The following SLTM variants were observed in gnomAD, a reference collection of about 807,000 sequenced individuals.
SLTM encodes SAFB like transcription modulator.
A neutral mutation model predicts 134.6 loss-of-function variants in SLTM; 43 were observed. That is an observed-to-expected ratio of 0.32 (90% CI 0.25 to 0.41). The LOEUF is 0.41. SLTM is among the 10% of genes least tolerant of loss of function. The probability of loss-of-function intolerance (pLI) is 1.00; values close to 1 mark genes in which losing one functional copy is unlikely to be tolerated. For missense variants in SLTM, 1,055 were observed against 1,288.8 expected (o/e 0.82, Z 2.78); for synonymous variants, 424 against 432.3 (o/e 0.98, Z 0.24).
chr15:58,924,128 T>C (rs2037298959), intron 2 of SLTM, among the ~76,000 whole-genome samples: 1 of 152,120 alleles, frequency 6.6e-6, no homozygotes, highest in African/African-American at 2.4e-5. Context: ...AGCCAAACTT[T>C]TACGCTTTGA....
At chr15:58,902,291 G>A (rs770490383) in intron 5 of SLTM, among the ~76,000 whole-genome samples, 16 of 151,794 alleles carry the variant, frequency 1.1e-4, no homozygotes, top group Admixed American at 7.2e-4. Flanking sequence ...AGGCGGTCTC[G>A]AACTCCTGGC....
At chr15:58,890,005 T>C (rs1263482988) in intron 15 of SLTM, 2 of 444,526 alleles carry the variant, frequency 4.5e-6, no homozygotes, top group Admixed American at 4.0e-5. Flanking sequence ...AGAGCCTGGA[T>C]TACAACTACT....
intron 13 of SLTM, 89 bp from the exon 14 acceptor site, chr15:58,893,149 T>C: frequency 7.1e-7 from 1 of 1,416,138 alleles, no homozygotes; most frequent in Non-Finnish European, 9.6e-7. Flanking sequence ...AAAGTTCAAA[T>C]GACTAGTAAC....
intron 5 of SLTM, among the ~76,000 whole-genome samples, chr15:58,904,895 G>C (rs1391473551): frequency 6.6e-6 from 1 of 152,136 alleles, no homozygotes; most frequent in Non-Finnish European, 1.5e-5. Context: ...ATTTTTAGTA[G>C]AGATGGGGTT....
intron 19 of SLTM, among the ~76,000 whole-genome samples, chr15:58,886,218 A>AGTGTGTGTGTGTGTGTGTGTGTGT (rs60261686): frequency 8.0e-6 from 1 of 124,458 alleles, no homozygotes; most frequent in Non-Finnish European, 1.7e-5. Flanking sequence ...GAAAAAGAAG[A>AGTGTGTGTGTGTGTGTGTGTGTGT]GTGTGTGTGT....
chr15:58,897,365 C>T, intron 8 of SLTM, 132 bp from the exon 9 acceptor site: 1 of 562,232 alleles, frequency 1.8e-6, no homozygotes, highest in Non-Finnish European at 3.2e-6. Context: ...TGTGAGTTTA[C>T]TATTATTGAA....
Position 58,899,051 on chromosome 15 carries a change from A to G in SLTM, c.1059-199T>C, listed in dbSNP as rs1202255487. On this transcript the variant is annotated intron_variant, in intron 7 of 20. Coordinates refer to ENST00000380516, the MANE Select transcript of SLTM (RefSeq NM_024755.4). This position sits in a 1 kb window ranked among gnomAD's most constrained non-coding sequence, Gnocchi z 5.0. The stretch of plus-strand genomic sequence containing the variant: ...TTTTCCCCAAGATGCCTGAAGATCT[A>G]GATTTTCTGACAATTCTATTCAGTG... The G allele has an allele frequency of 2.0e-6, 1 of 510,882 alleles. No individual in the cohort carries two copies. Among genetic ancestry groups the G allele is most frequent in the Non-Finnish European group, 3.4e-6 (1 of 290,914 alleles). The allele number at this position is 510,882 out of a possible 1,614,324, so 31.6% of individuals were successfully genotyped here.
intron 2 of SLTM, among the ~76,000 whole-genome samples, chr15:58,929,475 G>C (rs932015782): frequency 2.0e-5 from 3 of 152,002 alleles, no homozygotes; most frequent in Admixed American, 6.6e-5. Flanking sequence ...AAGAAAAACG[G>C]ACATCACATT....
chr15:58,882,192 A>AAAAAAAAAAAAAAAC, intron 20 of SLTM, among the ~76,000 whole-genome samples: 3 of 150,024 alleles, frequency 2.0e-5, no homozygotes, highest in Non-Finnish European at 3.0e-5. Flanking sequence ...AAAAAAAAAA[A>AAAAAAAAAAAAAAAC]ACCACACTTA....
chr15:58,887,262 C>A lies in SLTM; in HGVS notation c.2654G>T (p.Ser885Ile). The A allele has an allele frequency of 1.2e-6, 2 of 1,614,208 alleles. No homozygotes were observed. The highest frequency in any genetic ancestry group is 1.7e-6 in the Non-Finnish European group (2 of 1,180,022). ...TTTGTCAGTGGACATGCTTCCTTCA[C>A]TTTTCCAGCTGGTGGGTCTGGAAGG... is the stretch of plus-strand genomic sequence containing the variant. ...PNPSRPTSWK[S>I]EGSMSTDKRE... The change falls in exon 18 of 21, where the codon AGT becomes ATT. Residue 885 changes from serine to isoleucine, a missense_variant. Ser to Ile is a moderately radical substitution (Grantham distance 142, BLOSUM62 -2). Coordinates refer to ENST00000380516, the MANE Select transcript of SLTM (RefSeq NM_024755.4).
At chr15:58,883,001 G>A (rs1263329161) in intron 20 of SLTM, among the ~76,000 whole-genome samples, 5 of 152,224 alleles carry the variant, frequency 3.3e-5, no homozygotes, top group Non-Finnish European at 7.3e-5. Context: ...ACAAGATGAT[G>A]GTTCCAATGT....
chr15:58,904,416 A>C (rs2035720611), intron 5 of SLTM, among the ~76,000 whole-genome samples: 1 of 152,242 alleles, frequency 6.6e-6, no homozygotes, highest in Non-Finnish European at 1.5e-5. Context: ...AGTAACATGA[A>C]GGAAACTAAA....
At chr15:58,924,666 A>G (rs2037336259) in intron 2 of SLTM, among the ~76,000 whole-genome samples, 2 of 152,214 alleles carry the variant, frequency 1.3e-5, no homozygotes, top group African/African-American at 4.8e-5. Flanking sequence ...AGGATTTTGG[A>G]TGATAAATTG....
At chr15:58,903,133 C>G (rs1381681019) in intron 5 of SLTM, among the ~76,000 whole-genome samples, 2 of 152,106 alleles carry the variant, frequency 1.3e-5, no homozygotes, top group Admixed American at 1.3e-4. Flanking sequence ...ATCTCCTGAC[C>G]TCGTGATCCA....
In SLTM at chr15:58,927,502, A is replaced by ACC. The variant is rs1339805048; in HGVS notation, c.250+4853_250+4854insGG. On this transcript the variant is annotated intron_variant, in intron 2 of 20. Transcript: ENST00000380516. ...GCCAGTCTGGTCTCAAACTCCTGACATCAGGTGATCCGCCCACCTCAGCTT... is the reference window on the plus strand; with the variant it reads ...GCCAGTCTGGTCTCAAACTCCTGACACCTCAGGTGATCCGCCCACCTCAGCTT... Among the ~76,000 whole-genome samples, 12 of 152,322 alleles carry ACC rather than the reference A, an allele frequency of 7.9e-5. No homozygotes were observed. The East Asian group carries it at 2.3e-3, about 29-fold the overall frequency.
chr15:58,897,260 T>G, intron 8 of SLTM, 27 bp from the exon 9 acceptor site: 1 of 1,271,558 alleles, frequency 7.9e-7, no homozygotes, highest in East Asian at 2.3e-5. Context: ...ATCAGATGTT[T>G]AAGTATCTCA....
intron 2 of SLTM, chr15:58,921,657 T>A: frequency 6.1e-6 from 2 of 329,210 alleles, no homozygotes; most frequent in Admixed American, 3.5e-5. Context: ...TACATAGTAT[T>A]CAAAAAAAAT....
chr15:58,916,178 CT>C (rs11455727), intron 3 of SLTM, among the ~76,000 whole-genome samples: 2,231 of 138,628 alleles, frequency 0.016, 30 homozygotes, highest in Middle Eastern at 0.026. Context: ...CTCTCTCTCT[CT>C]TTTTTTTTTT....
At chr15:58,901,567 A>G (rs1258665430) in intron 5 of SLTM, among the ~76,000 whole-genome samples, 1 of 152,236 alleles carries the variant, frequency 6.6e-6, no homozygotes, top group Non-Finnish European at 1.5e-5. Flanking sequence ...AGTTTATATA[A>G]TCCAATTCTT....
Sources: gnomAD v4.1 joint callset for allele counts (sites outside exome capture counted in the v4.1 genomes callset) on GRCh38, gnomAD v4.1.1 for gene constraint, Gnocchi (gnomAD v3.1) non-coding constraint, MANE v1.5 for transcripts, NCBI Gene and HGNC (gene_info 2026-07-23, HGNC 2026-07-21) for gene names.